The following ODAD3 variants were observed in gnomAD, a reference collection of about 807,000 sequenced individuals.
ODAD3 encodes the protein outer dynein arm docking complex subunit 3.
In ODAD3, 57 loss-of-function variants were observed where a neutral mutation model predicts 70.9. The observed-to-expected ratio is 0.80, with a 90% CI of 0.65 to 1.00. ODAD3 has a LOEUF of 1.00. ODAD3 is among the 50% of genes least tolerant of loss of function. The pLI, the probability that ODAD3 is intolerant of heterozygous loss-of-function variation, is 0.00. For missense variants in ODAD3, 797 were observed against 763.9 expected (o/e 1.04, Z -0.51); for synonymous variants, 327 against 315.9 (o/e 1.04, Z -0.37).
intron 7 of ODAD3, among the ~76,000 whole-genome samples, chr19:11,425,322 T>C (rs1480760942): frequency 5.7e-5 from 8 of 139,196 alleles, no homozygotes; most frequent in African/African-American, 1.8e-4. Context: ...CATATGTGTA[T>C]ATGTACATAT....
At chr19:11,421,027 C>T in intron 12 of ODAD3, 80 bp from the exon 13 acceptor site, 1 of 1,579,340 alleles carries the variant, frequency 6.3e-7, no homozygotes, top group South Asian at 1.1e-5. Flanking sequence ...TTTACCACCC[C>T]ACTCCACCCC....
At chr19:11,435,268 G>A, upstream of ODAD3, 1 of 1,246,708 alleles carries the variant, frequency 8.0e-7, no homozygotes, top group South Asian at 1.6e-5. Context: ...TAGAGGGGCG[G>A]TCCCAACAGT....
rs753988267 is a variant in ODAD3 at position 11,430,666 on chromosome 19, A to C, written c.444+33T>G. 3 of 1,611,450 alleles carry C rather than the reference A, an allele frequency of 1.9e-6. No individual in the cohort carries two copies. In the Admixed American group the frequency reaches 5.0e-5, roughly 27 times the overall value. On this transcript the variant is annotated intron_variant, in intron 3 of 12. Coordinates refer to ENST00000356392, the MANE Select transcript of ODAD3 (RefSeq NM_145045.5). ...AGTGGTGAGGGGACCCAGGCTGGAA[A>C]TGAAGGAGGAGGTGGGGCGAGGGTG...
chr19:11,424,529 ATG>A (rs1969221202), intron 7 of ODAD3, among the ~76,000 whole-genome samples: 1 of 132,316 alleles, frequency 7.6e-6, no homozygotes, highest in South Asian at 2.1e-4. Flanking sequence ...ATATGTATAT[ATG>A]TATATATGTG....
At chr19:11,425,127 G>C (rs1432800422) in intron 7 of ODAD3, among the ~76,000 whole-genome samples, 1 of 129,406 alleles carries the variant, frequency 7.7e-6, no homozygotes. Flanking sequence ...ATGTACATAT[G>C]TGTATATGTG....
rs556364272 is a variant in ODAD3, at chr19:11,424,374, C to T, written c.964-345G>A. Among the ~76,000 whole-genome samples the T allele has an allele frequency of 5.9e-5, 9 of 151,686 alleles. No homozygotes were observed. The South Asian group carries it at 1.9e-3, about 32-fold the overall frequency. On this transcript the variant is annotated intron_variant, in intron 7 of 12. Coordinates refer to ENST00000356392, the MANE Select transcript of ODAD3 (RefSeq NM_145045.5). Reference sequence around the variant, plus strand: ...CCAAAATTAGCAGGGCGTGGTGGGGCGCCTGAAGTCCCAGCTACTTGGGAG... The same window carrying T: ...CCAAAATTAGCAGGGCGTGGTGGGGTGCCTGAAGTCCCAGCTACTTGGGAG...
chr19:11,425,240 T>C lies in ODAD3; in HGVS notation c.963+904A>G, dbSNP rs544920723. 4.3e-5 allele frequency among the ~76,000 whole-genome samples: 6 copies of C among 138,284 alleles called. 1 individual carries two copies. Among genetic ancestry groups the C allele is most frequent in the African/African-American group, 1.2e-4 (4 of 32,214 alleles). 90.7% of individuals were successfully genotyped at this position (138,284 alleles called of 152,430 possible). A position where few individuals can be genotyped will look rare whatever the true frequency, so the allele number is the denominator to read the frequency against. ...GTATATATGTGTGTATATGTACATA[T>C]GTGTATATATGTATATGTACATATG... On this transcript the variant is annotated intron_variant, in intron 7 of 12. Coordinates refer to ENST00000356392, the MANE Select transcript of ODAD3 (RefSeq NM_145045.5).
chr19:11,428,610 A>G (rs1409476784), intron 3 of ODAD3, among the ~76,000 whole-genome samples: 1 of 152,094 alleles, frequency 6.6e-6, no homozygotes, highest in African/African-American at 2.4e-5. Flanking sequence ...GTGCAGTGGC[A>G]CGAACATGAC....
chr19:11,434,533 CCAA>C (rs1969604994), intron 1 of ODAD3: 1 of 265,972 alleles, frequency 3.8e-6, no homozygotes, highest in Non-Finnish European at 6.3e-6. Flanking sequence ...TGAGATTCTG[CCAA>C]AAAAAAAAAA....
Position 11,422,644 on chromosome 19 carries a change from G to T in ODAD3, c.1278-17C>A, listed in dbSNP as rs1490382080. The T allele has an allele frequency of 2.5e-6, 4 of 1,604,328 alleles. No individual in the cohort carries two copies. Among genetic ancestry groups the T allele is most frequent in the Non-Finnish European group, 3.4e-6 (4 of 1,176,600 alleles). On this transcript the variant is annotated splice_polypyrimidine_tract_variant and intron_variant, in intron 9 of 12. Coordinates refer to ENST00000356392, the MANE Select transcript of ODAD3 (RefSeq NM_145045.5). This position sits in a 1 kb window ranked among gnomAD's most constrained non-coding sequence, Gnocchi z 4.6. ...TTCTGCTGGCTGCAGGGAGCCGGGA[G>T]GTCACCCCGGGGGCTCAGCCCGCCC...
intron 3 of ODAD3, among the ~76,000 whole-genome samples, chr19:11,428,142 C>G (rs1417998366): frequency 6.6e-6 from 1 of 151,894 alleles, no homozygotes; most frequent in East Asian, 1.9e-4. Context: ...CGCTATGTGG[C>G]TCAGGCTGGT....
rs1157296691 is a variant in ODAD3, at chr19:11,434,212, C to CAAA, written c.244+558_244+560dup. 1.2e-3 allele frequency among the ~76,000 whole-genome samples: 107 copies of CAAA among 86,002 alleles called. 2 individuals carry two copies. Among genetic ancestry groups the CAAA allele is most frequent in the African/African-American group, 5.3e-3 (104 of 19,666 alleles). The allele number at this position is 86,002 out of a possible 152,430, so 56.4% of individuals were successfully genotyped here. On this transcript the variant is annotated intron_variant, in intron 1 of 12. Transcript: ENST00000356392. ...TAGGCGACAGAGCAAGACCCTGTCT[C>CAAA]AAAAAACAAAAAACAAAACAAAAAA...
At chr19:11,425,577 ATATATGTATG>A (rs1555722669) in intron 7 of ODAD3, among the ~76,000 whole-genome samples, 1 of 131,150 alleles carries the variant, frequency 7.6e-6, no homozygotes, top group African/African-American at 3.8e-5. Flanking sequence ...GTATGTATGT[ATATATGTATG>A]TATATGTGTA....
rs564492182 is a variant in ODAD3, at chr19:11,423,231, G to A, written c.1117-370C>T. On this transcript the variant is annotated intron_variant, in intron 8 of 12. Transcript: ENST00000356392. ...GTCTTCGGAGCCATCCGCTCACAAG[G>A]CCCACATCTGGAAAGGGGCTGCGCC... 6.0e-4 allele frequency among the ~76,000 whole-genome samples: 92 copies of A among 152,312 alleles called. 1 individual carries two copies. The highest frequency in any genetic ancestry group is 6.8e-3 in the Middle Eastern group (2 of 294).
Position 11,434,259 on chromosome 19 carries a change from C to T in ODAD3, c.244+514G>A, listed in dbSNP as rs371049794. Among the ~76,000 whole-genome samples, 190 of 148,854 alleles carry T rather than the reference C, an allele frequency of 1.3e-3. 2 individuals carry two copies. The highest frequency in any genetic ancestry group is 3.9e-3 in the African/African-American group (161 of 40,854). On this transcript the variant is annotated intron_variant, in intron 1 of 12. Coordinates refer to ENST00000356392, the MANE Select transcript of ODAD3 (RefSeq NM_145045.5). ...AAAAAAACGCGGGTGCAGTGGCTCA[C>T]GCCTGTAATCCCAGCAGTTTGGGAG...
rs1185719332 is a variant in ODAD3, at chr19:11,421,174, G to C, written c.1629C>G (p.Asn543Lys). 6.8e-6 allele frequency: 11 copies of C among 1,613,718 alleles called. No homozygotes were observed. Among genetic ancestry groups the C allele is most frequent in the Non-Finnish European group, 9.3e-6 (11 of 1,179,946 alleles). ...TGGCAAGGGGCAGGGCGATGCGGGT[G>C]TTGTATTCGGGCAGCCTTCCCTCTA... ...ASLEGRLPEY[N>K]TRIALPLATS... The change falls in exon 12 of 13, where the codon AAC becomes AAG. Residue 543 changes from asparagine to lysine, a missense_variant. Asn to Lys is a moderately conservative substitution (Grantham distance 94, BLOSUM62 0). Transcript: ENST00000356392.
At position 11,422,653 on chromosome 19, in the gene ODAD3, G is replaced by T; in HGVS notation, c.1278-26C>A. 1 of 1,604,538 alleles carries T rather than the reference G, an allele frequency of 6.2e-7. No homozygotes were observed. On this transcript the variant is annotated intron_variant, in intron 9 of 12. Coordinates refer to ENST00000356392, the MANE Select transcript of ODAD3 (RefSeq NM_145045.5). This position sits in a 1 kb window ranked among gnomAD's most constrained non-coding sequence, Gnocchi z 4.6. ...CTGCAGGGAGCCGGGAGGTCACCCCGGGGGCTCAGCCCGCCCCGCCGCCCT... is the reference window on the plus strand; with the variant it reads ...CTGCAGGGAGCCGGGAGGTCACCCCTGGGGCTCAGCCCGCCCCGCCGCCCT...
At position 11,420,728 on chromosome 19, in the gene ODAD3, C is replaced by T; in HGVS notation, c.*107G>A. 1.0e-6 allele frequency: 1 copy of T among 963,118 alleles called. No individual in the cohort carries two copies. Among genetic ancestry groups the T allele is most frequent in the Non-Finnish European group, 1.6e-6 (1 of 627,960 alleles). The allele number at this position is 963,118 out of a possible 1,614,324, so 59.7% of individuals were successfully genotyped here. A position where few individuals can be genotyped will look rare whatever the true frequency, so the allele number is the denominator to read the frequency against. On this transcript the variant is annotated 3_prime_UTR_variant, in exon 13 of 13. Transcript: ENST00000356392. ...CGGGCGCCGCTGGCCGCCTCCGTTCCCGGTCCGGGCCGCGTTCAGCCCCTG... is the reference window on the plus strand; with the variant it reads ...CGGGCGCCGCTGGCCGCCTCCGTTCTCGGTCCGGGCCGCGTTCAGCCCCTG...
intron 7 of ODAD3, among the ~76,000 whole-genome samples, chr19:11,425,531 A>G (rs1328321700): frequency 7.0e-6 from 1 of 142,250 alleles, no homozygotes; most frequent in Non-Finnish European, 1.5e-5. Flanking sequence ...ATATATGTAT[A>G]TATGTGTGTA....
Sources: allele counts gnomAD v4.1 joint callset (sites outside exome capture counted in the v4.1 genomes callset), GRCh38; gene constraint gnomAD v4.1.1; non-coding constraint Gnocchi (gnomAD v3.1); transcripts MANE v1.5; gene names NCBI Gene and HGNC (gene_info 2026-07-23, HGNC 2026-07-21).